GPC6: variants seen among roughly 807,000 people sequenced by gnomAD.
GPC6 encodes glypican 6.
A neutral mutation model predicts 55.2 loss-of-function variants in GPC6; 14 were observed. The ratio of observed to expected loss-of-function variants is 0.25; its 90% CI spans 0.17 to 0.40. GPC6 has a LOEUF of 0.40. GPC6 is among the 10% of genes least tolerant of loss of function. The pLI is 1.00. For missense variants in GPC6, 641 were observed against 708.5 expected, an observed-to-expected ratio of 0.90 and a Z score of 1.08; for synonymous variants, 278 against 259.6, an observed-to-expected ratio of 1.07 and a Z score of -0.68.
At chr13:94,262,566 G>A (rs533738785) in intron 4 of GPC6, among the ~76,000 whole-genome samples, 1 of 152,032 alleles carries the variant, frequency 6.6e-6, no homozygotes, top group South Asian at 2.1e-4. Context: ...CCAGCTGCTT[G>A]GGAGGCTGAG....
intron 2 of GPC6, among the ~76,000 whole-genome samples, chr13:93,630,255 A>G (rs943422338): frequency 6.6e-6 from 1 of 152,160 alleles, no homozygotes; most frequent in Admixed American, 6.6e-5. Flanking sequence ...ATGGAAACCA[A>G]CTTTCATGGA....
At chr13:93,276,531 T>C (rs1249188293) in intron 1 of GPC6, among the ~76,000 whole-genome samples, 1 of 148,518 alleles carries the variant, frequency 6.7e-6, no homozygotes, top group East Asian at 2.0e-4. Flanking sequence ...TGTGTGTATG[T>C]GTGTGATAGA....
chr13:94,007,321 C>T (rs1024072635), intron 3 of GPC6, among the ~76,000 whole-genome samples: 4 of 152,192 alleles, frequency 2.6e-5, no homozygotes, highest in Non-Finnish European at 5.9e-5. Context: ...TTTGAAAGCA[C>T]TAGAAATAAA....
At chr13:93,281,193 A>G (rs1156692748) in intron 1 of GPC6, among the ~76,000 whole-genome samples, 1 of 152,200 alleles carries the variant, frequency 6.6e-6, no homozygotes, top group African/African-American at 2.4e-5. Context: ...AAGGACTAGA[A>G]TGGTGCTTAC....
At chr13:94,257,151 C>G (rs571903619) in intron 4 of GPC6, among the ~76,000 whole-genome samples, 46 of 152,318 alleles carry the variant, frequency 3.0e-4, no homozygotes, top group African/African-American at 1.1e-3. Flanking sequence ...GATTTTACAG[C>G]TCCAGTATCA....
chr13:93,765,043 C>T (rs1470103144), intron 2 of GPC6, among the ~76,000 whole-genome samples: 1 of 152,132 alleles, frequency 6.6e-6, no homozygotes, highest in African/African-American at 2.4e-5. Context: ...TCGCGATCCA[C>T]CCTCCTCAGC....
chr13:93,223,723 C>T (rs571305769), upstream of GPC6, among the ~76,000 whole-genome samples: 1 of 152,056 alleles, frequency 6.6e-6, no homozygotes, highest in Non-Finnish European at 1.5e-5. Flanking sequence ...GGATTACAGG[C>T]GTGAGCCACC....
chr13:94,163,047 CT>C (rs1888223890), intron 4 of GPC6, among the ~76,000 whole-genome samples: 1 of 152,100 alleles, frequency 6.6e-6, no homozygotes. Flanking sequence ...CTTTTATTTT[CT>C]TCCAAATAAA....
chr13:93,640,460 T>C (rs1342298617), intron 2 of GPC6, among the ~76,000 whole-genome samples: 1 of 152,042 alleles, frequency 6.6e-6, no homozygotes, highest in Non-Finnish European at 1.5e-5. Context: ...TCATACATCT[T>C]GCATGTGGAG....
intron 3 of GPC6, among the ~76,000 whole-genome samples, chr13:93,951,828 T>C (rs1264783429): frequency 6.6e-6 from 1 of 152,050 alleles, no homozygotes; most frequent in Non-Finnish European, 1.5e-5. Context: ...AGAAATAACA[T>C]CCAGGAAGAT....
chr13:93,350,735 T>C (rs1274375371), intron 1 of GPC6, among the ~76,000 whole-genome samples: 1 of 152,164 alleles, frequency 6.6e-6, no homozygotes, highest in East Asian at 1.9e-4. Flanking sequence ...TCAAAATATA[T>C]CTGGACTATA....
At chr13:93,447,940 A>C (rs1381058971) in intron 1 of GPC6, among the ~76,000 whole-genome samples, 1 of 152,224 alleles carries the variant, frequency 6.6e-6, no homozygotes, top group African/African-American at 2.4e-5. Context: ...GCCGCTGTTC[A>C]TAAATAATGT....
chr13:94,380,692 T>C (rs529201600), intron 6 of GPC6, among the ~76,000 whole-genome samples: 3 of 152,210 alleles, frequency 2.0e-5, no homozygotes, highest in Non-Finnish European at 4.4e-5. Flanking sequence ...TACCACAGTA[T>C]GATTTTATGT....
At chr13:93,985,227 G>A (rs889050048) in intron 3 of GPC6, among the ~76,000 whole-genome samples, 8 of 152,094 alleles carry the variant, frequency 5.3e-5, no homozygotes, top group Non-Finnish European at 1.0e-4. Context: ...GAGGTCAAGA[G>A]ATCGAGACCA....
At chr13:93,465,237 G>A (rs552025222) in intron 1 of GPC6, among the ~76,000 whole-genome samples, 1 of 152,250 alleles carries the variant, frequency 6.6e-6, no homozygotes, top group Non-Finnish European at 1.5e-5. Context: ...AGCTGCATTA[G>A]CCTCTAAAAA....
At chr13:94,356,900 T>C (rs969509102) in intron 6 of GPC6, among the ~76,000 whole-genome samples, 1 of 151,922 alleles carries the variant, frequency 6.6e-6, no homozygotes, top group African/African-American at 2.4e-5. Flanking sequence ...AGACCCTGTC[T>C]CAAAAAAAGA....
Position 93,227,215 on chromosome 13 carries a change from G to A in GPC6, c.-242G>A, listed in dbSNP as rs757351416. ...GCACCGTTTCCATCTGGGGGCTAGA[G>A]GAGCAAGGCAGCAGCCTTCCCAGCC... On this transcript the variant is annotated 5_prime_UTR_variant, in exon 1 of 9. Transcript: ENST00000377047. This position sits in a 1 kb window ranked among gnomAD's most constrained non-coding sequence, Gnocchi z 4.3. 4 of 448,972 alleles carry A rather than the reference G, an allele frequency of 8.9e-6. No homozygotes were observed. The highest frequency in any genetic ancestry group is 4.5e-5 in the South Asian group (1 of 22,440). The allele number at this position is 448,972 out of a possible 1,614,324, so 27.8% of individuals were successfully genotyped here. A position where few individuals can be genotyped will look rare whatever the true frequency, so the allele number is the denominator to read the frequency against.
chr13:93,324,560 G>GTATA (rs536142258), intron 1 of GPC6, among the ~76,000 whole-genome samples: 1 of 116,456 alleles, frequency 8.6e-6, no homozygotes, highest in African/African-American at 3.8e-5. Context: ...ATATATATGT[G>GTATA]TATATATATA....
chr13:93,370,727 T>A (rs1436989330), intron 1 of GPC6, among the ~76,000 whole-genome samples: 1 of 152,116 alleles, frequency 6.6e-6, no homozygotes, highest in East Asian at 1.9e-4. Flanking sequence ...TTACATAGAT[T>A]TAAATAGTCA....
Sources: gnomAD v4.1 joint callset for allele counts (sites outside exome capture counted in the v4.1 genomes callset) on GRCh38, gnomAD v4.1.1 for gene constraint, Gnocchi (gnomAD v3.1) non-coding constraint, MANE v1.5 for transcripts, NCBI Gene and HGNC (gene_info 2026-07-23, HGNC 2026-07-21) for gene names.